The following SASH1 variants were observed in gnomAD, a reference collection of about 807,000 sequenced individuals.
SASH1 encodes SAM and SH3 domain-containing protein 1.
SASH1 carries 44 observed loss-of-function variants against 125.2 expected under a neutral mutation model. The observed-to-expected ratio is 0.35, with a 90% CI of 0.28 to 0.45. The LOEUF (loss-of-function observed/expected upper bound fraction) is 0.45, where lower values mean the gene tolerates loss of function less well. Among genes scored for constraint, SASH1 ranks in the 20% least tolerant of loss-of-function variants. The pLI is 1.00. For missense variants in SASH1, 1,426 were observed against 1,614.5 expected (o/e 0.88, Z 2.00); for synonymous variants, 639 against 649.1 (o/e 0.98, Z 0.24).
At chr6:148,420,388 A>G (rs999495993) in intron 2 of SASH1, among the ~76,000 whole-genome samples, 4 of 152,222 alleles carry the variant, frequency 2.6e-5, no homozygotes, top group African/African-American at 7.2e-5. Flanking sequence ...TAAGTCCTCT[A>G]TTCACACTTG....
At position 148,352,132 on chromosome 6, in the gene SASH1, T is replaced by A. The variant is rs535320904; in HGVS notation, c.156+8909T>A. ...ACTGATAGGTAGAATAGTAAAGTAG[T>A]TAAGAGCAAAGGAACTATTTTAGGT... is the stretch of plus-strand genomic sequence containing the variant. On this transcript the variant is annotated intron_variant, in intron 1 of 19. Transcript: ENST00000367467. Among the ~76,000 whole-genome samples, 82 of 152,332 alleles carry A rather than the reference T, an allele frequency of 5.4e-4. No individual in the cohort carries two copies. In the South Asian group the frequency reaches 5.4e-3, roughly 10 times the overall value.
intron 1 of SASH1, among the ~76,000 whole-genome samples, chr6:148,272,931 A>T (rs1779097569): frequency 6.6e-6 from 1 of 152,000 alleles, no homozygotes; most frequent in East Asian, 1.9e-4. Context: ...TATTCTACAG[A>T]TTGTGAAGGT....
chr6:148,232,784 T>C, the SASH1 span, among the ~76,000 whole-genome samples: 1 of 152,198 alleles, frequency 6.6e-6, no homozygotes. Flanking sequence ...ACCTCAAAGA[T>C]TTCCTAAAGT....
chr6:148,514,157 A>G, intron 8 of SASH1, 167 bp from the exon 9 acceptor site: 4 of 1,404,424 alleles, frequency 2.8e-6, no homozygotes, highest in Non-Finnish European at 3.7e-6. Context: ...AGATCTTAAG[A>G]TGGTATGTGG....
At chr6:148,525,393 AT>A (rs1382843741) in intron 11 of SASH1, 28 bp downstream of exon 11, 5 of 1,531,040 alleles carry the variant, frequency 3.3e-6, no homozygotes, top group Non-Finnish European at 4.5e-6. Flanking sequence ...AAAGCAAAAA[AT>A]ATGGATTCAG....
intron 1 of SASH1, among the ~76,000 whole-genome samples, chr6:148,368,479 C>T (rs1227840957): frequency 6.6e-6 from 1 of 152,072 alleles, no homozygotes; most frequent in Non-Finnish European, 1.5e-5. Flanking sequence ...CCATGTTGGC[C>T]AGGCTGGTCT....
chr6:148,277,164 C>T (rs144004019), intron 1 of SASH1, among the ~76,000 whole-genome samples: 62 of 152,268 alleles, frequency 4.1e-4, no homozygotes, highest in African/African-American at 1.3e-3. Context: ...TGGAGTCTTG[C>T]ACTCTTAATG....
chr6:148,543,743 T>C lies in SASH1; in HGVS notation c.2273T>C (p.Phe758Ser), dbSNP rs745913357. 1 of 1,605,814 alleles carries C rather than the reference T, an allele frequency of 6.2e-7. No individual in the cohort carries two copies. Among genetic ancestry groups the C allele is most frequent in the South Asian group, 1.1e-5 (1 of 89,888 alleles). Residue 758 changes from phenylalanine to serine, a missense_variant, in exon 18 of 20, where the codon TTT becomes TCT. This residue lies in a region of SASH1 where 634 missense variants were observed against 694.4 expected (regional missense o/e 0.91). Transcript: ENST00000367467. The part of the protein sequence containing the change: ...KSSTEPSLKS[F>S]SRNQLGNYPT... ...TCCACCGAGCCCAGCTTGAAGTCTT[T>C]TAGCAGAAACCAGTTGGGCAATTAC...
At chr6:148,459,076 G>A (rs1411059286) in intron 4 of SASH1, among the ~76,000 whole-genome samples, 1 of 151,578 alleles carries the variant, frequency 6.6e-6, no homozygotes, top group Non-Finnish European at 1.5e-5. Flanking sequence ...AACTTTGAAG[G>A]AATTGAGAAG....
chr6:148,218,294 GACAA>G, the SASH1 span, among the ~76,000 whole-genome samples: 1 of 151,908 alleles, frequency 6.6e-6, no homozygotes, highest in Non-Finnish European at 1.5e-5. Flanking sequence ...AAGAACCAGC[GACAA>G]ACAGCTAGTA....
intron 2 of SASH1, 147 bp from the exon 3 acceptor site, chr6:148,440,037 C>T (rs910177323): frequency 1.6e-5 from 11 of 670,196 alleles, no homozygotes; most frequent in African/African-American, 1.6e-4. Flanking sequence ...TTAGTTTTCC[C>T]AGAAAATCTG....
rs905943652 is a variant in SASH1, at chr6:148,544,209, C to T, written c.2739C>T (p.Gly913=). The change falls in exon 18 of 20, where the codon GGC becomes GGT. Residue 913 remains glycine (G), a synonymous_variant. Transcript: ENST00000367467. The surrounding 1 kb of genome is among the most constrained non-coding windows in gnomAD (Gnocchi z 6.4). ...AATTGACAACTAAGAAACTGGAGGGCTCAATCGCAGCCTCTGGTCGCGGCC... is the reference window on the plus strand; with the variant it reads ...AATTGACAACTAAGAAACTGGAGGGTTCAATCGCAGCCTCTGGTCGCGGCC... ...PQKLTTKKLE[G]SIAASGRGLS... 2 of 1,614,174 alleles carry T rather than the reference C, an allele frequency of 1.2e-6. No individual in the cohort carries two copies. The highest frequency in any genetic ancestry group is 8.5e-7 in the Non-Finnish European group (1 of 1,180,040).
At chr6:148,198,022 G>T in the SASH1 span, among the ~76,000 whole-genome samples, 1 of 152,140 alleles carries the variant, frequency 6.6e-6, no homozygotes, top group Non-Finnish European at 1.5e-5. Flanking sequence ...GCTCATTGTT[G>T]TATTTTTAGT....
chr6:148,500,125 C>T (rs1779501245), intron 8 of SASH1, among the ~76,000 whole-genome samples: 1 of 151,954 alleles, frequency 6.6e-6, no homozygotes, highest in Non-Finnish European at 1.5e-5. Flanking sequence ...TTGTCATGTC[C>T]TTGGTCCTGT....
At chr6:148,307,690 G>A (rs1780181513) in intron 1 of SASH1, among the ~76,000 whole-genome samples, 1 of 151,844 alleles carries the variant, frequency 6.6e-6, no homozygotes, top group Admixed American at 6.6e-5. Context: ...TCTGCTGCTT[G>A]TTGAATTAGG....
intron 1 of SASH1, among the ~76,000 whole-genome samples, chr6:148,373,022 T>G (rs1486295711): frequency 6.6e-6 from 1 of 151,980 alleles, no homozygotes; most frequent in Non-Finnish European, 1.5e-5. Context: ...AGAAACCCTG[T>G]CTCTACTAAA....
At chr6:148,493,060 G>C (rs2115234897) in intron 8 of SASH1, among the ~76,000 whole-genome samples, 1 of 152,278 alleles carries the variant, frequency 6.6e-6, no homozygotes, top group South Asian at 2.1e-4. Flanking sequence ...GTTCTGAAGA[G>C]TGACTTCTCT....
upstream of SASH1, among the ~76,000 whole-genome samples, chr6:148,269,540 C>G (rs545929339): frequency 6.6e-6 from 1 of 152,312 alleles, no homozygotes; most frequent in South Asian, 2.1e-4. Context: ...GTGTGAGCCA[C>G]CACCCCCAAC....
chr6:148,400,473 G>T (rs900713230), intron 2 of SASH1, among the ~76,000 whole-genome samples: 2 of 152,216 alleles, frequency 1.3e-5, no homozygotes, highest in African/African-American at 2.4e-5. Context: ...CTCTGGGCTG[G>T]GCCTGGTGGC....
Sources: allele counts gnomAD v4.1 joint callset (sites outside exome capture counted in the v4.1 genomes callset), GRCh38; gene constraint gnomAD v4.1.1; regional missense constraint gnomAD v4.1.1; non-coding constraint Gnocchi (gnomAD v3.1); transcripts MANE v1.5; gene names NCBI Gene and HGNC (gene_info 2026-07-23, HGNC 2026-07-21).